KIAA0232: variants seen among roughly 807,000 people sequenced by gnomAD.
KIAA0232 encodes the protein KIAA0232.
KIAA0232 carries 27 observed loss-of-function variants against 122.0 expected under a neutral mutation model. The ratio of observed to expected loss-of-function variants is 0.22; its 90% confidence interval spans 0.16 to 0.31. The LOEUF (loss-of-function observed/expected upper bound fraction) is 0.31. Among genes scored for constraint, KIAA0232 ranks in the 10% least tolerant of loss-of-function variants. KIAA0232 has a pLI of 1.00. For missense variants in KIAA0232, 1,551 were observed against 1,634.2 expected (o/e 0.95, Z 0.88); for synonymous variants, 613 against 587.6 (o/e 1.04, Z -0.63).
intron 3 of KIAA0232, among the ~76,000 whole-genome samples, chr4:6,830,379 C>G (rs1219098971): frequency 1.4e-5 from 2 of 144,120 alleles, no homozygotes; most frequent in African/African-American, 5.2e-5. Flanking sequence ...AGTGCCCCGT[C>G]TTTTAGCTTG....
chr4:6,813,374 T>G (rs982034932), intron 2 of KIAA0232, among the ~76,000 whole-genome samples: 1 of 152,018 alleles, frequency 6.6e-6, no homozygotes, highest in African/African-American at 2.4e-5. Context: ...TGTTTTTTGT[T>G]TTTTTTGAGA....
chr4:6,820,951 G>A lies in KIAA0232; in HGVS notation c.-269-3234G>A, dbSNP rs1469474466. Among the ~76,000 whole-genome samples, 6 of 152,130 alleles carry A rather than the reference G, an allele frequency of 3.9e-5. No homozygotes were observed. The East Asian group carries it at 1.2e-3, about 29-fold the overall frequency. On this transcript the variant is annotated intron_variant, in intron 2 of 9. Transcript: ENST00000307659. ...CACATGATGGGGAGGGTAAGAGGAGGCGAGAGTGCTTGAGACAGAAATGGG... is the reference window on the plus strand; with the variant it reads ...CACATGATGGGGAGGGTAAGAGGAGACGAGAGTGCTTGAGACAGAAATGGG...
At chr4:6,871,809 T>C (rs964619576) in intron 8 of KIAA0232, 127 bp downstream of exon 8, 22 of 631,656 alleles carry the variant, frequency 3.5e-5, no homozygotes, top group Admixed American at 8.1e-5. Context: ...GGTAGCACTT[T>C]GTCATGCACT....
intron 2 of KIAA0232, among the ~76,000 whole-genome samples, chr4:6,819,819 C>T (rs114327112): frequency 2.0e-5 from 3 of 152,148 alleles, no homozygotes. Flanking sequence ...CGGCACTATT[C>T]ACACTAGCAA....
intron 6 of KIAA0232, 131 bp from the exon 7 acceptor site, chr4:6,860,770 A>C: frequency 1.2e-6 from 1 of 807,898 alleles, no homozygotes. Flanking sequence ...TGTAAAGTTA[A>C]TGATTCTTGG....
At chr4:6,837,029 C>A (rs1043266860) in intron 3 of KIAA0232, among the ~76,000 whole-genome samples, 10 of 152,372 alleles carry the variant, frequency 6.6e-5, no homozygotes, top group African/African-American at 2.4e-4. Flanking sequence ...CCGCCATCGT[C>A]ATCATGGCCC....
intron 1 of KIAA0232, among the ~76,000 whole-genome samples, chr4:6,785,169 C>T (rs571080332): frequency 6.6e-6 from 1 of 152,212 alleles, no homozygotes; most frequent in South Asian, 2.1e-4. Context: ...TCTCTCCTGA[C>T]CTCGTGATCC....
chr4:6,808,050 A>G (rs1178425052), intron 2 of KIAA0232, among the ~76,000 whole-genome samples: 1 of 152,244 alleles, frequency 6.6e-6, no homozygotes, highest in South Asian at 2.1e-4. Flanking sequence ...CCTGGGCAAC[A>G]GAGTGAGACT....
Position 6,876,680 on chromosome 4 carries a change from G to A in KIAA0232, c.3931G>A (p.Gly1311Arg). The change falls in exon 9 of 10, where the codon GGA (glycine) becomes AGA (arginine). Residue 1311 changes from glycine (G) to arginine (R), a missense_variant. Gly to Arg is a moderately radical substitution (Grantham distance 125). Around this residue, in one of 5 missense-constraint regions of KIAA0232, gnomAD observed 1,108 missense variants for 1,154.8 expected, o/e 0.96. Transcript: ENST00000307659. ...ECEECYTNAKGESGLEEYPDA... is the reference protein window; with the variant it reads ...ECEECYTNAKRESGLEEYPDA... ...TTAAGAATGTTACACAAATGCCAAG[G>A]GAGAGAGTGGTTTAGAAGAATATCC... is the stretch of plus-strand genomic sequence containing the variant. 1.2e-6 allele frequency: 2 copies of A among 1,612,056 alleles called. No homozygotes were observed. Among genetic ancestry groups the A allele is most frequent in the Non-Finnish European group, 1.7e-6 (2 of 1,178,126 alleles).
chr4:6,799,481 T>C (rs534413362), intron 1 of KIAA0232, among the ~76,000 whole-genome samples: 1 of 151,970 alleles, frequency 6.6e-6, no homozygotes, highest in South Asian at 2.1e-4. Flanking sequence ...CAAATTCATC[T>C]CTTTACATTA....
intron 4 of KIAA0232, among the ~76,000 whole-genome samples, chr4:6,847,155 C>A (rs899806143): frequency 6.7e-6 from 1 of 149,486 alleles, no homozygotes; most frequent in Non-Finnish European, 1.5e-5. Flanking sequence ...ATTATTTTCT[C>A]ATTATGTGTG....
chr4:6,813,352 T>C (rs1163167829), intron 2 of KIAA0232, among the ~76,000 whole-genome samples: 2 of 115,154 alleles, frequency 1.7e-5, no homozygotes, highest in East Asian at 2.2e-4. Context: ...CTTAGATCTG[T>C]TTTTTTTTTT....
At chr4:6,790,266 C>T (rs2108868012) in intron 1 of KIAA0232, among the ~76,000 whole-genome samples, 1 of 151,764 alleles carries the variant, frequency 6.6e-6, no homozygotes, top group East Asian at 1.9e-4. Context: ...AGTGTTGCCC[C>T]TGGTTGAATA....
At position 6,837,900 on chromosome 4, in the gene KIAA0232, C is replaced by T. The variant is rs557263574; in HGVS notation, c.232-4167C>T. ...CCTTGGCTGGGCATTAGAGGGAGACCGTGCAAAGGGGAGAGGGGGAGGGGG... is the reference window on the plus strand; with the variant it reads ...CCTTGGCTGGGCATTAGAGGGAGACTGTGCAAAGGGGAGAGGGGGAGGGGG... On this transcript the variant is annotated intron_variant, in intron 3 of 9. Coordinates refer to ENST00000307659, the MANE Select transcript of KIAA0232 (RefSeq NM_014743.3). Among the ~76,000 whole-genome samples the T allele has an allele frequency of 1.5e-4, 21 of 141,470 alleles. No homozygotes were observed. The South Asian group carries it at 3.7e-3, about 25-fold the overall frequency. The allele number at this position is 141,470 out of a possible 152,430, so 92.8% of individuals were successfully genotyped here.
intron 2 of KIAA0232, among the ~76,000 whole-genome samples, chr4:6,812,220 G>A (rs1318576942): frequency 6.6e-6 from 1 of 152,140 alleles, no homozygotes; most frequent in African/African-American, 2.4e-5. Context: ...TTGCTAGAGG[G>A]GAGAGGGTCA....
chr4:6,807,598 G>A (rs1453785762), intron 2 of KIAA0232, among the ~76,000 whole-genome samples: 1 of 152,114 alleles, frequency 6.6e-6, no homozygotes, highest in Non-Finnish European at 1.5e-5. Context: ...CAGATACCTA[G>A]GGTAAACCGG....
At chr4:6,786,703 T>C (rs553037453) in intron 1 of KIAA0232, among the ~76,000 whole-genome samples, 85 of 152,356 alleles carry the variant, frequency 5.6e-4, no homozygotes, top group African/African-American at 2.0e-3. Flanking sequence ...AATATTTCTT[T>C]ACAGTTATTT....
At chr4:6,798,463 A>G (rs1033513287) in intron 1 of KIAA0232, among the ~76,000 whole-genome samples, 10 of 152,196 alleles carry the variant, frequency 6.6e-5, no homozygotes, top group Non-Finnish European at 5.9e-5. Flanking sequence ...ACTTTGAGAC[A>G]TATTTGAACA....
At chr4:6,810,425 A>C (rs1248501791) in intron 2 of KIAA0232, among the ~76,000 whole-genome samples, 1 of 152,200 alleles carries the variant, frequency 6.6e-6, no homozygotes, top group South Asian at 2.1e-4. Context: ...CAAAAAATCA[A>C]CTCAAGATGG....
Sources: allele counts gnomAD v4.1 joint callset (sites outside exome capture counted in the v4.1 genomes callset), GRCh38; gene constraint gnomAD v4.1.1; regional missense constraint gnomAD v4.1.1; transcripts MANE v1.5; gene names NCBI Gene and HGNC (gene_info 2026-07-23, HGNC 2026-07-21).